The following CSMD1 variants were observed in gnomAD, a reference collection of about 807,000 sequenced individuals.
CSMD1 encodes the protein CUB and sushi domain-containing protein 1.
CSMD1 carries 213 observed loss-of-function variants against 417.5 expected under a neutral mutation model. That is an observed-to-expected ratio of 0.51 (90% CI 0.46 to 0.57). The LOEUF is 0.57. Ranked by LOEUF, CSMD1 falls within the 20% of genes least tolerant of loss-of-function variation. CSMD1 has a pLI of 0.00. For synonymous variants in CSMD1, 2,862 were observed against 1,736.8 expected (o/e 1.65, Z -16.11); for missense variants, 6,923 against 4,529.7 (o/e 1.53, Z -15.17).
At chr8:4,770,062 G>C (rs1302181071) in intron 1 of CSMD1, among the ~76,000 whole-genome samples, 1 of 151,680 alleles carries the variant, frequency 6.6e-6, no homozygotes, top group Non-Finnish European at 1.5e-5. Flanking sequence ...ATAAATCACA[G>C]AGGACACAAA....
rs143781267 is a variant in CSMD1 at position 4,453,375 on chromosome 8, G to C, written c.303-33310C>G. Among the ~76,000 whole-genome samples the C allele has an allele frequency of 8.8e-3, 1,344 of 152,264 alleles. 20 individuals carry two copies. The highest frequency in any genetic ancestry group is 0.031 in the African/African-American group (1,271 of 41,540). Reference sequence around the variant, plus strand: ...AGTCTGCTGGGATTGGGGGTCTCCTGGGCACAGAACTTGGTGCTGAAGTCA... The same window carrying C: ...AGTCTGCTGGGATTGGGGGTCTCCTCGGCACAGAACTTGGTGCTGAAGTCA... On this transcript the variant is annotated intron_variant, in intron 2 of 69. Coordinates refer to ENST00000635120, the MANE Select transcript of CSMD1 (RefSeq NM_033225.6).
At chr8:3,831,016 G>C (rs925438034) in intron 5 of CSMD1, among the ~76,000 whole-genome samples, 1 of 152,102 alleles carries the variant, frequency 6.6e-6, no homozygotes, top group African/African-American at 2.4e-5. Context: ...CTGCTTGTTG[G>C]CTCTGAAGGC....
At chr8:4,010,911 C>A (rs1450641419) in intron 4 of CSMD1, among the ~76,000 whole-genome samples, 2 of 152,146 alleles carry the variant, frequency 1.3e-5, no homozygotes, top group African/African-American at 4.8e-5. Context: ...TCTAACTTTA[C>A]ATATATGGCC....
chr8:4,071,459 T>C (rs989694482), intron 3 of CSMD1, among the ~76,000 whole-genome samples: 6 of 152,126 alleles, frequency 3.9e-5, no homozygotes, highest in South Asian at 4.1e-4. Flanking sequence ...ATAACGCCTA[T>C]TTTTTTCCTG....
intron 1 of CSMD1, among the ~76,000 whole-genome samples, chr8:4,723,159 G>A (rs1437584433): frequency 1.3e-5 from 2 of 152,088 alleles, no homozygotes; most frequent in Non-Finnish European, 2.9e-5. Context: ...TAGTGGAAAT[G>A]GATTCTATTA....
At chr8:4,428,723 A>G (rs1327599524) in intron 2 of CSMD1, among the ~76,000 whole-genome samples, 1 of 151,902 alleles carries the variant, frequency 6.6e-6, no homozygotes, top group East Asian at 1.9e-4. Flanking sequence ...TTTGTGTATT[A>G]TTTATTTATT....
At chr8:3,811,588 G>T (rs1391873003) in intron 5 of CSMD1, among the ~76,000 whole-genome samples, 3 of 152,078 alleles carry the variant, frequency 2.0e-5, no homozygotes, top group Admixed American at 2.0e-4. Context: ...GCCATCATGG[G>T]ACAACCACAG....
intron 2 of CSMD1, among the ~76,000 whole-genome samples, chr8:4,569,343 G>C (rs954673742): frequency 6.6e-6 from 1 of 152,192 alleles, no homozygotes; most frequent in Non-Finnish European, 1.5e-5. Flanking sequence ...AAGTGATCCA[G>C]TTACAGTTTT....
intron 3 of CSMD1, among the ~76,000 whole-genome samples, chr8:4,326,755 CAGA>C (rs1161029272): frequency 1.1e-4 from 16 of 151,938 alleles, no homozygotes; most frequent in East Asian, 5.8e-4. Flanking sequence ...TGCCCATCTT[CAGA>C]AGAAGATGAG....
intron 3 of CSMD1, among the ~76,000 whole-genome samples, chr8:4,139,315 T>C (rs553246377): frequency 9.8e-5 from 15 of 152,326 alleles, no homozygotes; most frequent in East Asian, 9.7e-4. Flanking sequence ...GTTATACTTA[T>C]ACGAAAATTT....
chr8:3,343,572 G>C, intron 22 of CSMD1, 122 bp from the exon 23 acceptor site: 2 of 806,748 alleles, frequency 2.5e-6, no homozygotes, highest in South Asian at 4.5e-5. Flanking sequence ...AAGGCATATA[G>C]TTTACAGAAA....
chr8:4,083,903 C>T (rs370103992), intron 3 of CSMD1, among the ~76,000 whole-genome samples: 24 of 152,178 alleles, frequency 1.6e-4, no homozygotes, highest in Middle Eastern at 3.4e-3. Context: ...AGTGAACAGG[C>T]GACTTACAAA....
chr8:3,964,733 C>T (rs968798118), intron 5 of CSMD1, among the ~76,000 whole-genome samples: 1 of 152,140 alleles, frequency 6.6e-6, no homozygotes, highest in African/African-American at 2.4e-5. Flanking sequence ...AATGTACTTG[C>T]GTGACACATA....
chr8:4,155,291 G>A (rs907048305), intron 3 of CSMD1, among the ~76,000 whole-genome samples: 3 of 152,170 alleles, frequency 2.0e-5, no homozygotes, highest in Non-Finnish European at 4.4e-5. Context: ...AGGGGGTGGA[G>A]CAGCAAGATC....
chr8:3,803,310 G>T (rs375401594), intron 5 of CSMD1, among the ~76,000 whole-genome samples: 53 of 152,240 alleles, frequency 3.5e-4, no homozygotes, highest in African/African-American at 1.3e-3. Context: ...AGCTGGGTAG[G>T]GAGATACTGC....
intron 30 of CSMD1, among the ~76,000 whole-genome samples, chr8:3,211,097 T>G (rs1797579715): frequency 6.6e-6 from 1 of 152,146 alleles, no homozygotes; most frequent in Admixed American, 6.6e-5. Flanking sequence ...CAGGCTGGAG[T>G]GCAGTGATCC....
intron 3 of CSMD1, among the ~76,000 whole-genome samples, chr8:4,266,506 A>C (rs1273797760): frequency 1.9e-5 from 2 of 104,822 alleles, no homozygotes; most frequent in African/African-American, 5.2e-5. Context: ...GTATTCACTA[A>C]ATTTTAAAAA....
At chr8:3,926,094 C>CACACACACACACACCATACAT (rs1809676542) in intron 5 of CSMD1, among the ~76,000 whole-genome samples, 1 of 59,918 alleles carries the variant, frequency 1.7e-5, no homozygotes, top group African/African-American at 1.0e-4. Context: ...CACACACACA[C>CACACACACACACACCATACAT]ACACACACAC....
chr8:4,449,763 C>T (rs183339952), intron 2 of CSMD1, among the ~76,000 whole-genome samples: 102 of 152,130 alleles, frequency 6.7e-4, no homozygotes, highest in Middle Eastern at 3.4e-3. Context: ...TGGTGGCAAG[C>T]AGTTGGGAGC....
Sources: gnomAD v4.1 joint callset for allele counts (sites outside exome capture counted in the v4.1 genomes callset) on GRCh38, gnomAD v4.1.1 for gene constraint, MANE v1.5 for transcripts, NCBI Gene and HGNC (gene_info 2026-07-23, HGNC 2026-07-21) for gene names.